WDFY4: variants seen among roughly 807,000 people sequenced by gnomAD.
WDFY4 encodes the protein WDFY family member 4.
Under a neutral mutation model 351.9 loss-of-function variants are expected in WDFY4, and 169 were observed. The observed-to-expected ratio is 0.48, with a 90% CI of 0.42 to 0.55. WDFY4 has a LOEUF of 0.55. WDFY4 is among the 20% of genes least tolerant of loss of function. The pLI, the probability that WDFY4 is intolerant of heterozygous loss-of-function variation, is 0.00. For synonymous variants in WDFY4, 1,622 were observed against 1,574.6 expected (o/e 1.03, Z -0.71); for missense variants, 3,803 against 3,935.6 (o/e 0.97, Z 0.90).
At chr10:48,913,329 G>T (rs1022619279) in intron 47 of WDFY4, 229 of 1,491,962 alleles carry the variant, frequency 1.5e-4, no homozygotes, top group Non-Finnish European at 2.0e-4. Flanking sequence ...TGTGGAGGTA[G>T]CCCACTGCCC....
chr10:48,825,576 G>T (rs2067965768), intron 35 of WDFY4, among the ~76,000 whole-genome samples: 1 of 152,142 alleles, frequency 6.6e-6, no homozygotes, highest in Admixed American at 6.5e-5. Context: ...ATTCCCAACA[G>T]TGTAAAAGTG....
chr10:48,820,106 T>A, intron 32 of WDFY4, 128 bp from the exon 33 acceptor site: 2 of 1,049,788 alleles, frequency 1.9e-6, no homozygotes, highest in Non-Finnish European at 1.4e-6. Context: ...TGCTTTCCTG[T>A]GCGGAGCCTC....
intron 20 of WDFY4, among the ~76,000 whole-genome samples, chr10:48,787,908 T>C (rs536542790): frequency 5.8e-4 from 22 of 37,970 alleles, no homozygotes; most frequent in South Asian, 2.0e-3. Context: ...TTCTTCTTCT[T>C]CTTCTTCTTC....
chr10:48,909,280 ATT>A (rs1309444684), intron 47 of WDFY4, among the ~76,000 whole-genome samples: 1 of 151,960 alleles, frequency 6.6e-6, no homozygotes. Flanking sequence ...TTTTATTTTT[ATT>A]TTTTGTTTTT....
rs1393700111 is a variant in WDFY4 at position 48,817,397 on chromosome 10, G to A, written c.5493G>A (p.Leu1831=). The A allele has an allele frequency of 6.4e-7, 1 of 1,550,390 alleles. No individual in the cohort carries two copies. The highest frequency in any genetic ancestry group is 1.4e-5 in the African/African-American group (1 of 73,052). The change falls in exon 32 of 62, where the codon CTG becomes CTA. Residue 1831 remains leucine, a synonymous_variant. Transcript: ENST00000325239. ...CCTTGGCCATAGCCGCCTTCCCCCT[G>A]GGAGCCCAAAAGGTAGGACATGCTG... is the stretch of plus-strand genomic sequence containing the variant. ...LQTLAIAAFP[L]GAQKGVGAES... is the part of the protein sequence containing the mutation.
At chr10:48,841,312 T>A (rs2068597712) in intron 39 of WDFY4, among the ~76,000 whole-genome samples, 1 of 152,232 alleles carries the variant, frequency 6.6e-6, no homozygotes, top group South Asian at 2.1e-4. Flanking sequence ...TCTTATTTGA[T>A]CATTTTGTGC....
intron 22 of WDFY4, 119 bp downstream of exon 22, chr10:48,790,104 C>A: frequency 1.0e-6 from 1 of 971,490 alleles, no homozygotes; most frequent in African/African-American, 1.6e-5. Context: ...GAACCAGGGT[C>A]GGGAGGACCA....
intron 7 of WDFY4, among the ~76,000 whole-genome samples, chr10:48,728,709 A>T (rs1017009962): frequency 1.3e-4 from 20 of 152,366 alleles, no homozygotes; most frequent in African/African-American, 4.6e-4. Flanking sequence ...CACATTTTGC[A>T]TTGGTCTGGG....
At chr10:48,964,664 T>C (rs6537586) in intron 54 of WDFY4, among the ~76,000 whole-genome samples, 79,512 of 152,102 alleles carry the variant, frequency 0.52, 20,714 homozygotes, top group Non-Finnish European at 0.54. Flanking sequence ...GGTGAAATTG[T>C]GAAGTCTCAC....
At chr10:48,963,743 G>T (rs1238291643) in intron 53 of WDFY4, 99 bp from the exon 54 acceptor site, 13 of 1,292,562 alleles carry the variant, frequency 1.0e-5, no homozygotes, top group Non-Finnish European at 1.3e-5. Flanking sequence ...CTCTGTGCAG[G>T]GCCAGCACTC....
intron 43 of WDFY4, among the ~76,000 whole-genome samples, chr10:48,889,360 G>T (rs2133362025): frequency 6.6e-6 from 1 of 152,348 alleles, no homozygotes; most frequent in South Asian, 2.1e-4. Context: ...GCAGGAGTTG[G>T]AAAACTGGTC....
chr10:48,703,430 T>G (rs1389784016), intron 1 of WDFY4, among the ~76,000 whole-genome samples: 1 of 152,342 alleles, frequency 6.6e-6, no homozygotes, highest in East Asian at 1.9e-4. Flanking sequence ...TTTCTGCACC[T>G]GGAGTTTATA....
At chr10:48,700,620 G>C (rs372835181) in intron 1 of WDFY4, among the ~76,000 whole-genome samples, 2 of 152,224 alleles carry the variant, frequency 1.3e-5, no homozygotes, top group African/African-American at 4.8e-5. Context: ...CCAGCTGCGT[G>C]AGCACGCCCA....
intron 20 of WDFY4, among the ~76,000 whole-genome samples, chr10:48,787,971 TCTTCTTCTTCTTCTC>T (rs1565199333): frequency 6.7e-4 from 62 of 92,300 alleles, no homozygotes; most frequent in Admixed American, 1.3e-3. Context: ...TTCTTCTTCT[TCTTCTTCTTCTTCTC>T]CTTCTCCTTC....
At position 48,786,875 on chromosome 10, in the gene WDFY4, G is replaced by A. The variant is rs929236407; in HGVS notation, c.3808+5G>A. ...TCCAAGCTGTGCATGTCCAAGGTAT[G>A]GAGTGTTTTGATTTACAATGTTCTT... On this transcript the variant is annotated splice_donor_5th_base_variant and intron_variant, in intron 20 of 61. Transcript: ENST00000325239. 3 of 1,549,322 alleles carry A rather than the reference G, an allele frequency of 1.9e-6. No homozygotes were observed. Among genetic ancestry groups the A allele is most frequent in the Non-Finnish European group, 2.6e-6 (3 of 1,145,254 alleles).
chr10:48,711,058 A>G (rs1164990508), intron 2 of WDFY4, among the ~76,000 whole-genome samples: 1 of 152,266 alleles, frequency 6.6e-6, no homozygotes. Context: ...GTTTGAAAGT[A>G]GACTATGGCA....
intron 11 of WDFY4, among the ~76,000 whole-genome samples, chr10:48,737,162 AC>A (rs1450254635): frequency 6.6e-6 from 1 of 152,036 alleles, no homozygotes; most frequent in Non-Finnish European, 1.5e-5. Flanking sequence ...GACATGTGCC[AC>A]CACGCTTGGC....
intron 36 of WDFY4, among the ~76,000 whole-genome samples, chr10:48,828,494 C>T (rs947545463): frequency 1.3e-5 from 2 of 152,026 alleles, no homozygotes; most frequent in African/African-American, 2.4e-5. Context: ...GTTTTGATGG[C>T]GGGGAATCAG....
chr10:48,800,275 G>A (rs1160355532), intron 24 of WDFY4, among the ~76,000 whole-genome samples: 1 of 152,232 alleles, frequency 6.6e-6, no homozygotes, highest in Non-Finnish European at 1.5e-5. Flanking sequence ...ATAGTAGTGG[G>A]AGAAGAAACT....
Sources: allele counts gnomAD v4.1 joint callset (sites outside exome capture counted in the v4.1 genomes callset), GRCh38; gene constraint gnomAD v4.1.1; transcripts MANE v1.5; gene names NCBI Gene and HGNC (gene_info 2026-07-23, HGNC 2026-07-21).